Variants in WDR53 observed in about 807,000 individuals in gnomAD.
The protein encoded by WDR53 is WD repeat-containing protein 53.
WDR53 carries 19 observed loss-of-function variants against 21.3 expected under a neutral mutation model. The ratio of observed to expected loss-of-function variants is 0.89; its 90% CI spans 0.62 to 1.31. The LOEUF is 1.31. Ranked by LOEUF, WDR53 falls within the 50% of genes most tolerant of loss-of-function variation. The probability of loss-of-function intolerance (pLI) is 0.00; values close to 1 mark genes in which losing one functional copy is unlikely to be tolerated. For missense variants in WDR53, 374 were observed against 423.2 expected, an observed-to-expected ratio of 0.88 and a Z score of 1.02; for synonymous variants, 157 against 163.4, an observed-to-expected ratio of 0.96 and a Z score of 0.30.
chr3:196,564,034 G>A (rs1289300333), intron 2 of WDR53, among the ~76,000 whole-genome samples: 1 of 152,124 alleles, frequency 6.6e-6, no homozygotes, highest in Non-Finnish European at 1.5e-5. Flanking sequence ...TTTTCAAGCA[G>A]AAGCACTCAA....
chr3:196,561,144 G>C lies in WDR53; in HGVS notation c.332C>G (p.Ser111Cys). 6.2e-7 allele frequency: 1 copy of C among 1,614,218 alleles called. No individual in the cohort carries two copies. The highest frequency in any genetic ancestry group is 8.5e-7 in the Non-Finnish European group (1 of 1,180,034). Residue 111 changes from serine to cysteine, a missense_variant, in exon 3 of 4, where the codon TCT becomes TGT. By Grantham distance (112) the Ser-to-Cys change is moderately radical (BLOSUM62 -1). Transcript: ENST00000332629. ...TTTGATTGCCCCAGAGTCGTCAGCA[G>C]AAGCCAGCAGGTTTTCCGTTTGATT... ...SLNQTENLLASADDSGAIKIL... is the reference protein window; with the variant it reads ...SLNQTENLLACADDSGAIKIL...
In WDR53 at chr3:196,559,313, AG is replaced by A. The variant is rs1418281396; in HGVS notation, c.480+1682del. Among the ~76,000 whole-genome samples, 5 of 152,326 alleles carry A rather than the reference AG, an allele frequency of 3.3e-5. No homozygotes were observed. In the East Asian group the frequency reaches 9.6e-4, roughly 29 times the overall value. ...CTTGGTCAAAACCTAGGAGTGGAAAAGGAAGATAGAGGTTGTAGGGTCACTA... is the reference window on the plus strand; with the variant it reads ...CTTGGTCAAAACCTAGGAGTGGAAAAGAAGATAGAGGTTGTAGGGTCACTA... On this transcript the variant is annotated intron_variant, in intron 3 of 3. Transcript: ENST00000332629.
At chr3:196,560,695 T>C (rs1230368315) in intron 3 of WDR53, among the ~76,000 whole-genome samples, 1 of 152,254 alleles carries the variant, frequency 6.6e-6, no homozygotes. Context: ...GGACCAACTC[T>C]GCCTTTAGTA....
At position 196,554,290 on chromosome 3, in the gene WDR53, G is replaced by A; in HGVS notation, c.998C>T (p.Thr333Ile). The change falls in exon 4 of 4, where the codon ACA becomes ATA. Residue 333 changes from threonine (T) to isoleucine (I), a missense_variant. Coordinates refer to ENST00000332629, the MANE Select transcript of WDR53 (RefSeq NM_182627.3). The part of the protein sequence containing the change: ...HGEKVNWLLG[T>I]KIKGHQNILV... ...TATATTTTGGTGTCCCTTTATTTTT[G>A]TACCCAAGAGCCAGTTCACTTTTTC... 1.9e-6 allele frequency: 3 copies of A among 1,613,884 alleles called. No individual in the cohort carries two copies. Among genetic ancestry groups the A allele is most frequent in the East Asian group, 4.5e-5 (2 of 44,878 alleles).
chr3:196,564,814 C>G (rs984007959), intron 2 of WDR53, among the ~76,000 whole-genome samples: 8 of 152,282 alleles, frequency 5.3e-5, no homozygotes, highest in African/African-American at 1.9e-4. Context: ...TGGATCCCAG[C>G]TGGGATTTTA....
intron 3 of WDR53, among the ~76,000 whole-genome samples, chr3:196,559,408 T>TA (rs1314516397): frequency 6.6e-6 from 1 of 152,130 alleles, no homozygotes; most frequent in African/African-American, 2.4e-5. Flanking sequence ...AATTCTTTAT[T>TA]GTTTGGAGAC....
rs1734864487 is a variant in WDR53 at position 196,561,454 on chromosome 3, C to T, written c.22G>A (p.Gly8Arg). ...AGGCAGAGGACAGGAGAAGAATGCCCACCCGTCCACTTGACTGCCATAATG... is the reference window on the plus strand; with the variant it reads ...AGGCAGAGGACAGGAGAAGAATGCCTACCCGTCCACTTGACTGCCATAATG... Reference protein sequence around the residue: MAVKWTGGHSSPVLCLNA... With the variant: MAVKWTGRHSSPVLCLNA... Residue 8 changes from glycine to arginine, a missense_variant, in exon 3 of 4, where the codon GGG becomes AGG. Coordinates refer to ENST00000332629, the MANE Select transcript of WDR53 (RefSeq NM_182627.3). 1 of 1,613,038 alleles carries T rather than the reference C, an allele frequency of 6.2e-7. No homozygotes were observed. The highest frequency in any genetic ancestry group is 1.7e-5 in the Admixed American group (1 of 59,950).
intron 3 of WDR53, 47 bp downstream of exon 3, chr3:196,560,949 C>A: frequency 6.4e-7 from 1 of 1,552,820 alleles, no homozygotes; most frequent in Non-Finnish European, 8.7e-7. Flanking sequence ...ATCCTGTTAG[C>A]AAATCCCACT....
chr3:196,558,662 T>C (rs1231960026), intron 3 of WDR53, among the ~76,000 whole-genome samples: 1 of 152,238 alleles, frequency 6.6e-6, no homozygotes. Context: ...GAGAAGTAAC[T>C]CAAAATAGTC....
chr3:196,561,146 A>G lies in WDR53; in HGVS notation c.330T>C (p.Ala110=), dbSNP rs186427472. ...TGATTGCCCCAGAGTCGTCAGCAGAAGCCAGCAGGTTTTCCGTTTGATTCA... is the reference window on the plus strand; with the variant it reads ...TGATTGCCCCAGAGTCGTCAGCAGAGGCCAGCAGGTTTTCCGTTTGATTCA... ...LSLNQTENLL[A]SADDSGAIKI... is the part of the protein sequence containing the mutation. The change falls in exon 3 of 4, where the codon GCT becomes GCC. Residue 110 remains alanine (A), a synonymous_variant. Transcript: ENST00000332629. 1 of 1,614,242 alleles carries G rather than the reference A, an allele frequency of 6.2e-7. No individual in the cohort carries two copies. The highest frequency in any genetic ancestry group is 2.2e-5 in the East Asian group (1 of 44,890).
rs1577579523 is a variant in WDR53, at chr3:196,564,627, T to C, written c.-17+2250A>G. Among the ~76,000 whole-genome samples, 2 of 152,294 alleles carry C rather than the reference T, an allele frequency of 1.3e-5. 1 individual carries two copies. The highest frequency in any genetic ancestry group is 1.3e-4 in the Admixed American group (2 of 15,292). On this transcript the variant is annotated intron_variant, in intron 2 of 3. Transcript: ENST00000332629. ...ATCCTCCCGTCTCAGCCTCTCAAAG[T>C]GCTGGCATCACAGGCATGAGCCACT... is the stretch of plus-strand genomic sequence containing the variant.
chr3:196,565,897 A>C (rs1230613129), intron 2 of WDR53, among the ~76,000 whole-genome samples: 2 of 152,218 alleles, frequency 1.3e-5, no homozygotes, highest in African/African-American at 2.4e-5. Flanking sequence ...GCCTGGCAGA[A>C]AGAGGTGAAG....
In WDR53 at chr3:196,567,156, T is replaced by C. The variant is rs762365406; in HGVS notation, c.-296A>G. On this transcript the variant is annotated 5_prime_UTR_variant, in exon 2 of 4. Coordinates refer to ENST00000332629, the MANE Select transcript of WDR53 (RefSeq NM_182627.3). The stretch of plus-strand genomic sequence containing the variant: ...CAGATGGATCAACTCTGCTTATCCT[T>C]GAAGACTTCAAAGAAATTAGTGAGA... 4 of 457,166 alleles carry C rather than the reference T, an allele frequency of 8.7e-6. No homozygotes were observed. The East Asian group carries it at 2.8e-4, about 32-fold the overall frequency. 28.3% of individuals were successfully genotyped at this position (457,166 alleles called of 1,614,324 possible). A position where few individuals can be genotyped will look rare whatever the true frequency, so the allele number is the denominator to read the frequency against.
intron 3 of WDR53, among the ~76,000 whole-genome samples, chr3:196,556,921 C>A (rs559104034): frequency 6.6e-6 from 1 of 152,192 alleles, no homozygotes; most frequent in Non-Finnish European, 1.5e-5. Flanking sequence ...ATCATTTCCA[C>A]GTATTGAGGA....
At chr3:196,559,783 C>G (rs538953797) in intron 3 of WDR53, among the ~76,000 whole-genome samples, 10 of 152,164 alleles carry the variant, frequency 6.6e-5, no homozygotes, top group African/African-American at 2.4e-4. Flanking sequence ...TACCTGTCAT[C>G]TTAGAGAAAA....
At chr3:196,561,557 T>G in intron 2 of WDR53, 66 bp from the exon 3 acceptor site, 1 of 1,423,248 alleles carries the variant, frequency 7.0e-7, no homozygotes, top group African/African-American at 1.4e-5. Flanking sequence ...AGGAGACAGA[T>G]GTAATAAACA....
chr3:196,568,115 A>G (rs1258861380), intron 1 of WDR53, among the ~76,000 whole-genome samples: 2 of 152,134 alleles, frequency 1.3e-5, no homozygotes, highest in African/African-American at 2.4e-5. Flanking sequence ...ATCTTGTCCA[A>G]AAGACGGCAG....
At chr3:196,556,345 A>G (rs528949806) in intron 3 of WDR53, among the ~76,000 whole-genome samples, 2 of 152,106 alleles carry the variant, frequency 1.3e-5, no homozygotes, top group Non-Finnish European at 2.9e-5. Context: ...ACAATGCCCC[A>G]AAACAGTTTC....
chr3:196,565,236 A>T (rs1387013698), intron 2 of WDR53, among the ~76,000 whole-genome samples: 1 of 150,956 alleles, frequency 6.6e-6, no homozygotes, highest in Non-Finnish European at 1.5e-5. Context: ...CTAGTCAGAA[A>T]AATAAATAAC....
Sources: allele counts gnomAD v4.1 joint callset (sites outside exome capture counted in the v4.1 genomes callset), GRCh38; gene constraint gnomAD v4.1.1; transcripts MANE v1.5; gene names NCBI Gene and HGNC (gene_info 2026-07-23, HGNC 2026-07-21).